The following ADCY9 variants were observed in gnomAD, a reference collection of about 807,000 sequenced individuals.
The protein encoded by ADCY9 is adenylate cyclase 9, also known as adenylate cyclase type 9.
In ADCY9, 50 loss-of-function variants were observed where a neutral mutation model predicts 101.5. That is an observed-to-expected ratio of 0.49 (90% CI 0.39 to 0.62). The LOEUF is 0.62. Among genes scored for constraint, ADCY9 ranks in the 20% least tolerant of loss-of-function variants. The pLI is 0.00. For synonymous variants in ADCY9, 905 were observed against 769.3 expected (o/e 1.18, Z -2.92); for missense variants, 1,662 against 1,800.4 (o/e 0.92, Z 1.39).
intron 2 of ADCY9, among the ~76,000 whole-genome samples, chr16:4,092,177 C>T (rs796549941): frequency 1.4e-4 from 21 of 152,164 alleles, no homozygotes; most frequent in African/African-American, 5.1e-4. Context: ...GGCTGAGGCA[C>T]GAGAATTGCC....
rs1382458827 is a variant in ADCY9, at chr16:4,097,553, A to ATATAT, written c.1693+16196_1693+16197insATATA. The stretch of plus-strand genomic sequence containing the variant: ...CATATATATATATATATATATATAT[A>ATATAT]TTTTTTTTTTTTTTTTTTAAGACAG... On this transcript the variant is annotated intron_variant, in intron 2 of 10. Coordinates refer to ENST00000294016, the MANE Select transcript of ADCY9 (RefSeq NM_001116.4). Among the ~76,000 whole-genome samples the ATATAT allele has an allele frequency of 9.7e-4, 52 of 53,398 alleles. 2 individuals are homozygous for ATATAT. The highest frequency in any genetic ancestry group is 2.7e-3 in the African/African-American group (31 of 11,584). 35.0% of individuals were successfully genotyped at this position (53,398 alleles called of 152,430 possible).
chr16:4,059,379 G>GA (rs1555441793), intron 2 of ADCY9, among the ~76,000 whole-genome samples: 321 of 116,742 alleles, frequency 2.7e-3, no homozygotes, highest in South Asian at 4.8e-3. Flanking sequence ...AGAATCCATC[G>GA]AAAAAAAAAA....
At chr16:4,043,910 C>T (rs1459024147) in intron 2 of ADCY9, among the ~76,000 whole-genome samples, 1 of 152,070 alleles carries the variant, frequency 6.6e-6, no homozygotes, top group East Asian at 1.9e-4. Flanking sequence ...TTGAGTGGGG[C>T]ACTTAAGTGC....
chr16:3,969,963 A>G (rs1042827703), intron 10 of ADCY9, among the ~76,000 whole-genome samples: 2 of 152,152 alleles, frequency 1.3e-5, no homozygotes, highest in Non-Finnish European at 2.9e-5. Context: ...AGATTTGTCC[A>G]TCGTCCTGCC....
chr16:3,958,664 C>T (rs2055920897), downstream of ADCY9, among the ~76,000 whole-genome samples: 1 of 114,976 alleles, frequency 8.7e-6, no homozygotes, highest in South Asian at 3.1e-4. Flanking sequence ...GAATCTTTCT[C>T]GTCGGTTACT....
chr16:3,990,044 G>C (rs896328333), intron 5 of ADCY9, among the ~76,000 whole-genome samples: 1 of 152,144 alleles, frequency 6.6e-6, no homozygotes, highest in Non-Finnish European at 1.5e-5. Context: ...TTTATGAATT[G>C]CCAGCAAATA....
intron 2 of ADCY9, among the ~76,000 whole-genome samples, chr16:4,009,699 G>A (rs765398711): frequency 3.3e-5 from 5 of 152,214 alleles, no homozygotes; most frequent in East Asian, 3.8e-4. Context: ...ACTGGAATAC[G>A]ACGCAGGAGT....
chr16:3,981,287 T>C (rs1035038622), intron 7 of ADCY9, among the ~76,000 whole-genome samples: 1 of 152,180 alleles, frequency 6.6e-6, no homozygotes, highest in African/African-American at 2.4e-5. Flanking sequence ...TGCTTTAGAA[T>C]TGGGTCTGAA....
intron 2 of ADCY9, among the ~76,000 whole-genome samples, chr16:4,033,668 G>T (rs1170332344): frequency 6.6e-6 from 1 of 152,124 alleles, no homozygotes; most frequent in Non-Finnish European, 1.5e-5. Context: ...ACCCGCCTCG[G>T]CCTCCCAAAG....
intron 2 of ADCY9, among the ~76,000 whole-genome samples, chr16:4,079,636 T>C (rs1411419897): frequency 2.6e-5 from 4 of 152,196 alleles, no homozygotes; most frequent in Admixed American, 6.5e-5. Context: ...GTATTCATGA[T>C]CCATGAATGG....
chr16:4,089,078 G>C (rs1018115836), intron 2 of ADCY9, among the ~76,000 whole-genome samples: 1 of 151,964 alleles, frequency 6.6e-6, no homozygotes, highest in Admixed American at 6.6e-5. Flanking sequence ...CATATAAAAC[G>C]TGGCATTTGG....
chr16:3,962,473 A>G (rs1482418753), downstream of ADCY9, among the ~76,000 whole-genome samples: 1 of 152,196 alleles, frequency 6.6e-6, no homozygotes, highest in Non-Finnish European at 1.5e-5. Context: ...AATTAAAAAA[A>G]TAACATAAAC....
intron 3 of ADCY9, among the ~76,000 whole-genome samples, chr16:4,001,167 A>G (rs2056327856): frequency 6.6e-6 from 1 of 152,156 alleles, no homozygotes; most frequent in East Asian, 1.9e-4. Context: ...TGCTGGCTTT[A>G]TTCTGATGTC....
intron 7 of ADCY9, among the ~76,000 whole-genome samples, chr16:3,980,334 TGAG>T (rs1364508300): frequency 6.6e-6 from 1 of 152,094 alleles, no homozygotes; most frequent in Non-Finnish European, 1.5e-5. Flanking sequence ...AGAACCACTG[TGAG>T]GAGGAGGAAC....
At chr16:4,087,848 C>T (rs995649393) in intron 2 of ADCY9, among the ~76,000 whole-genome samples, 4 of 150,950 alleles carry the variant, frequency 2.6e-5, no homozygotes, top group Non-Finnish European at 5.9e-5. Flanking sequence ...TTCCTTCTTT[C>T]TCTTTTCTTT....
Position 4,027,234 on chromosome 16 carries a change from C to T in ADCY9, c.1694-19676G>A, listed in dbSNP as rs376150559. Among the ~76,000 whole-genome samples the T allele has an allele frequency of 4.2e-3, 636 of 152,344 alleles. 2 individuals carry two copies. Among genetic ancestry groups the T allele is most frequent in the Non-Finnish European group, 6.6e-3 (450 of 68,040 alleles). ...CACTCCGTGGAGTGTACTTTCATTT[C>T]AGTAAATCTGTGCTTCCCTTGCTTC... On this transcript the variant is annotated intron_variant, in intron 2 of 10. Transcript: ENST00000294016.
At chr16:4,056,285 C>T (rs1364892762) in intron 2 of ADCY9, among the ~76,000 whole-genome samples, 2 of 152,212 alleles carry the variant, frequency 1.3e-5, no homozygotes, top group African/African-American at 4.8e-5. Flanking sequence ...AGACGAGTCT[C>T]ACTCTGTCAT....
chr16:3,983,288 CA>C lies in ADCY9; in HGVS notation c.2462del (p.Leu821ArgfsTer83). 1 of 1,558,774 alleles carries C rather than the reference CA, an allele frequency of 6.4e-7. No homozygotes were observed. The highest frequency in any genetic ancestry group is 8.7e-7 in the Non-Finnish European group (1 of 1,151,552). ...AATVPPPPAA[L>X]AVFSAALLLE... Reference sequence around the variant, plus strand: ...GCAGCAGGGCTGCACTGAAGACCGCCAGGGCGGCGGGCGGGGGAGGCACGGT... The same window carrying C: ...GCAGCAGGGCTGCACTGAAGACCGCCGGGCGGCGGGCGGGGGAGGCACGGT... On this transcript the variant is annotated frameshift_variant, in exon 7 of 11. Transcript: ENST00000294016. LOFTEE classifies it high-confidence loss of function.
At chr16:4,076,679 A>T (rs1221828078) in intron 2 of ADCY9, among the ~76,000 whole-genome samples, 1 of 152,226 alleles carries the variant, frequency 6.6e-6, no homozygotes, top group Non-Finnish European at 1.5e-5. Flanking sequence ...TGACAAATTA[A>T]GGAGCCATTA....
Sources: allele counts gnomAD v4.1 joint callset (sites outside exome capture counted in the v4.1 genomes callset), GRCh38; gene constraint gnomAD v4.1.1; transcripts MANE v1.5; gene names NCBI Gene and HGNC (gene_info 2026-07-23, HGNC 2026-07-21).